Variants in GPSM1 observed in about 807,000 individuals in gnomAD.
The protein encoded by GPSM1 is G protein signaling modulator 1.
In GPSM1, 48 loss-of-function variants were observed where a neutral mutation model predicts 70.5. The ratio of observed to expected loss-of-function variants is 0.68; its 90% confidence interval spans 0.54 to 0.87. The LOEUF is 0.87. GPSM1 is among the 40% of genes least tolerant of loss of function. The probability of loss-of-function intolerance (pLI) is 0.00; values close to 1 mark genes in which losing one functional copy is unlikely to be tolerated. For missense variants in GPSM1, 981 were observed against 972.6 expected, an observed-to-expected ratio of 1.01 and a Z score of -0.11; for synonymous variants, 416 against 430.1, an observed-to-expected ratio of 0.97 and a Z score of 0.41.
intron 2 of GPSM1, among the ~76,000 whole-genome samples, 195 bp downstream of exon 2, chr9:136,334,863 G>C (rs553564946): frequency 1.3e-5 from 2 of 152,050 alleles, no homozygotes; most frequent in South Asian, 4.2e-4. Flanking sequence ...TGAGTGGGGC[G>C]GCCCTGCTGG....
chr9:136,338,002 G>T (rs782446611), intron 6 of GPSM1, 41 bp downstream of exon 6: 5 of 1,341,208 alleles, frequency 3.7e-6, no homozygotes, highest in Admixed American at 1.9e-5. Flanking sequence ...CAGCAGGCCG[G>T]GGGGGCTGGA....
chr9:136,336,432 C>T (rs1043527016), intron 3 of GPSM1, among the ~76,000 whole-genome samples: 6 of 152,188 alleles, frequency 3.9e-5, no homozygotes, highest in Admixed American at 2.0e-4. Context: ...CTCTGGGCTG[C>T]GGCAGTGGGA....
Position 136,340,304 on chromosome 9 carries a change from A to AG in GPSM1, c.1083+493dup, listed in dbSNP as rs1832355169. ...TGCAGGTGCCCAGGTGAGGGTGGAG[A>AG]GGGGCGGGCATGGGAAGGTCAGCAG... On this transcript the variant is annotated intron_variant, in intron 8 of 13. Transcript: ENST00000440944. This position sits in a 1 kb window ranked among gnomAD's most constrained non-coding sequence, Gnocchi z 7.3. Among the ~76,000 whole-genome samples, 1 of 151,886 alleles carries AG rather than the reference A, an allele frequency of 6.6e-6. No individual in the cohort carries two copies. The highest frequency in any genetic ancestry group is 6.5e-5 in the Admixed American group (1 of 15,272).
At chr9:136,352,634 G>A (rs1832702415) in intron 11 of GPSM1, among the ~76,000 whole-genome samples, 1 of 152,248 alleles carries the variant, frequency 6.6e-6, no homozygotes, top group South Asian at 2.1e-4. Flanking sequence ...GGACAGGAAG[G>A]GCCGTCCCGG....
At chr9:136,357,798 T>G (rs1215616162) in intron 13 of GPSM1, among the ~76,000 whole-genome samples, 1 of 152,198 alleles carries the variant, frequency 6.6e-6, no homozygotes, top group Non-Finnish European at 1.5e-5. Flanking sequence ...CCTGGGCTCC[T>G]GCGGGTTGGT....
chr9:136,345,259 A>G (rs1832493622), intron 9 of GPSM1, among the ~76,000 whole-genome samples: 1 of 152,168 alleles, frequency 6.6e-6, no homozygotes, highest in Admixed American at 6.5e-5. Flanking sequence ...TGACAGTGTG[A>G]CGGTCAGCGT....
In GPSM1 at chr9:136,337,978, A is replaced by G. The variant is rs1554769584; in HGVS notation, c.818+17A>G. ...GTACTACAAGTAGGTGGTCCCCACA[A>G]TCTCCCAGGGAGACAGCAGGCCGGG... On this transcript the variant is annotated intron_variant, in intron 6 of 13. Coordinates refer to ENST00000440944, the MANE Select transcript of GPSM1 (RefSeq NM_001145638.3). The G allele has an allele frequency of 6.5e-6, 10 of 1,529,398 alleles. No homozygotes were observed. Among genetic ancestry groups the G allele is most frequent in the Non-Finnish European group, 9.0e-6 (10 of 1,108,550 alleles). The allele number at this position is 1,529,398 out of a possible 1,614,324, so 94.7% of individuals were successfully genotyped here.
intron 4 of GPSM1, 90 bp from the exon 5 acceptor site, chr9:136,337,351 C>T (rs962329581): frequency 8.9e-5 from 135 of 1,516,488 alleles, no homozygotes; most frequent in Non-Finnish European, 1.1e-4. Context: ...GCCCTGAGGC[C>T]GCATGGAGGC....
chr9:136,344,466 G>A (rs533082241), intron 9 of GPSM1, among the ~76,000 whole-genome samples: 50 of 152,308 alleles, frequency 3.3e-4, no homozygotes, highest in African/African-American at 1.1e-3. Context: ...GGCAGACGGC[G>A]CTTTCTTGTT....
At chr9:136,354,730 T>G in intron 11 of GPSM1, 2 of 753,114 alleles carry the variant, frequency 2.7e-6, no homozygotes, top group Non-Finnish European at 3.2e-6. Flanking sequence ...CCAGCCTCCC[T>G]TGTTTGGGTG....
chr9:136,327,751 G>A lies in GPSM1; in HGVS notation c.56G>A (p.Arg19His). Residue 19 changes from arginine (R) to histidine (H), a missense_variant, in exon 1 of 14, where the codon CGC (arginine) becomes CAC (histidine). Coordinates refer to ENST00000440944, the MANE Select transcript of GPSM1 (RefSeq NM_001145638.3). ...ADELPGPAAR[R>H]LYSRMEASCL... ...GAGCTCCCGGGCCCGGCCGCCAGGC[G>A]CCTCTACTCCAGGTAGGACGGGCCG... is the stretch of plus-strand genomic sequence containing the variant. 4.2e-6 allele frequency: 5 copies of A among 1,189,962 alleles called. No homozygotes were observed. The highest frequency in any genetic ancestry group is 3.2e-5 in the African/African-American group (2 of 62,364). The allele number at this position is 1,189,962 out of a possible 1,614,324, so 73.7% of individuals were successfully genotyped here.
intron 9 of GPSM1, among the ~76,000 whole-genome samples, chr9:136,345,704 G>A (rs1000332174): frequency 9.2e-5 from 14 of 152,210 alleles, no homozygotes; most frequent in African/African-American, 2.9e-4. Context: ...AGTGCACACC[G>A]GGAGACGGAG....
chr9:136,357,486 G>C (rs782556841), intron 13 of GPSM1, among the ~76,000 whole-genome samples: 4 of 152,198 alleles, frequency 2.6e-5, no homozygotes, highest in Non-Finnish European at 5.9e-5. Flanking sequence ...ACAACCCCTT[G>C]GCCCCCTGGC....
At chr9:136,335,247 G>T (rs1471990496) in intron 2 of GPSM1, among the ~76,000 whole-genome samples, 1 of 151,956 alleles carries the variant, frequency 6.6e-6, no homozygotes, top group Non-Finnish European at 1.5e-5. Context: ...CTGCCCTGGG[G>T]GCTGTCCCTG....
intron 11 of GPSM1, among the ~76,000 whole-genome samples, chr9:136,352,200 G>A (rs375350113): frequency 0.52 from 22,916 of 43,986 alleles, 7,756 homozygotes; most frequent in East Asian, 0.85. Flanking sequence ...TGACACCGAT[G>A]CTGCGCCGTT....
At position 136,343,971 on chromosome 9, in the gene GPSM1, G is replaced by C. The variant is rs1832456375; in HGVS notation, c.1207+2978G>C. Among the ~76,000 whole-genome samples the C allele has an allele frequency of 6.6e-6, 1 of 152,166 alleles. No individual in the cohort carries two copies. The highest frequency in any genetic ancestry group is 1.5e-5 in the Non-Finnish European group (1 of 68,028). On this transcript the variant is annotated intron_variant, in intron 9 of 13. Coordinates refer to ENST00000440944, the MANE Select transcript of GPSM1 (RefSeq NM_001145638.3). This position sits in a 1 kb window ranked among gnomAD's most constrained non-coding sequence, Gnocchi z 6.0. ...AGCAGATACACAGTAAATGCCTGCT[G>C]CTTGGTCACCAGGCTCCTGCCGTGT...
At chr9:136,357,573 G>A (rs528019390) in intron 13 of GPSM1, among the ~76,000 whole-genome samples, 4 of 152,356 alleles carry the variant, frequency 2.6e-5, no homozygotes, top group South Asian at 2.1e-4. Context: ...GCCACACTTC[G>A]GGCTCTGGAA....
chr9:136,340,901 G>A lies in GPSM1; in HGVS notation c.1115G>A (p.Arg372His), dbSNP rs372681405. ...IGDRHGELTA[R>H]MNVAQLQLVL... Reference sequence around the variant, plus strand: ...GACCGCCATGGGGAGCTCACGGCCCGCATGAACGTGGCGCAGCTGCAGCTG... The same window carrying A: ...GACCGCCATGGGGAGCTCACGGCCCACATGAACGTGGCGCAGCTGCAGCTG... Residue 372 changes from arginine (R) to histidine (H), a missense_variant, in exon 9 of 14, where the codon CGC becomes CAC. Coordinates refer to ENST00000440944, the MANE Select transcript of GPSM1 (RefSeq NM_001145638.3). The surrounding 1 kb of genome is among the most constrained non-coding windows in gnomAD (Gnocchi z 7.3). 8.3e-6 allele frequency: 13 copies of A among 1,574,946 alleles called. No individual in the cohort carries two copies. The highest frequency in any genetic ancestry group is 1.4e-5 in the African/African-American group (1 of 74,044).
intron 11 of GPSM1, 41 bp from the exon 12 acceptor site, chr9:136,355,649 C>G (rs782182060): frequency 1.9e-6 from 3 of 1,594,970 alleles, no homozygotes; most frequent in African/African-American, 2.7e-5. Flanking sequence ...TGGGGGTCTG[C>G]GGGGCTAGCT....
Sources: gnomAD v4.1 joint callset for allele counts (sites outside exome capture counted in the v4.1 genomes callset) on GRCh38, gnomAD v4.1.1 for gene constraint, Gnocchi (gnomAD v3.1) non-coding constraint, MANE v1.5 for transcripts, NCBI Gene and HGNC (gene_info 2026-07-23, HGNC 2026-07-21) for gene names.